The following ANO3 variants were observed in gnomAD, a reference collection of about 807,000 sequenced individuals.
ANO3 encodes the protein anoctamin-3.
Under a neutral mutation model 144.8 loss-of-function variants are expected in ANO3, and 99 were observed. That is an observed-to-expected ratio of 0.68 (90% CI 0.58 to 0.81). ANO3 has a LOEUF of 0.81. Ranked by LOEUF, ANO3 falls within the 30% of genes least tolerant of loss-of-function variation. ANO3 has a pLI of 0.00. For missense variants in ANO3, 905 were observed against 1,202.2 expected, an observed-to-expected ratio of 0.75 and a Z score of 3.66; for synonymous variants, 414 against 392.6, an observed-to-expected ratio of 1.05 and a Z score of -0.64.
intron 1 of ANO3, among the ~76,000 whole-genome samples, chr11:26,405,296 A>G (rs1857251600): frequency 2.0e-5 from 3 of 151,840 alleles, no homozygotes; most frequent in Non-Finnish European, 4.4e-5. Context: ...TGGATATCAT[A>G]GTATTTCCTA....
intron 13 of ANO3, 81 bp from the exon 14 acceptor site, chr11:26,559,638 T>C (rs1850202536): frequency 2.1e-6 from 2 of 942,476 alleles, no homozygotes; most frequent in Non-Finnish European, 3.5e-6. Context: ...GAAAAAATCA[T>C]AGTACCTGAG....
chr11:26,369,647 C>T (rs959921617), intron 1 of ANO3, among the ~76,000 whole-genome samples: 4 of 152,052 alleles, frequency 2.6e-5, no homozygotes, highest in Admixed American at 6.6e-5. Context: ...ATTTTGTTAA[C>T]AATACCAACA....
At chr11:26,267,097 CA>C (rs759201943) in intron 1 of ANO3, among the ~76,000 whole-genome samples, 172 of 114,710 alleles carry the variant, frequency 1.5e-3, no homozygotes, top group Admixed American at 2.1e-3. Flanking sequence ...GTCAAACAAA[CA>C]AAAAAAAAAA....
intron 4 of ANO3, among the ~76,000 whole-genome samples, chr11:26,471,516 G>A (rs1481285045): frequency 1.3e-5 from 2 of 151,860 alleles, no homozygotes; most frequent in Non-Finnish European, 2.9e-5. Flanking sequence ...ATTTTCAACT[G>A]AATCTATTAC....
At chr11:26,398,130 A>G (rs891222260) in intron 1 of ANO3, among the ~76,000 whole-genome samples, 2 of 152,154 alleles carry the variant, frequency 1.3e-5, no homozygotes, top group South Asian at 2.1e-4. Flanking sequence ...CTAAAAATAT[A>G]CAGGTACAAT....
chr11:26,550,406 T>A (rs1001814598), intron 12 of ANO3, among the ~76,000 whole-genome samples: 3 of 151,890 alleles, frequency 2.0e-5, no homozygotes, highest in Admixed American at 6.6e-5. Flanking sequence ...CTGAAACTTT[T>A]TATCCGTTTT....
chr11:26,441,549 A>G (rs1438692849), intron 1 of ANO3, among the ~76,000 whole-genome samples: 2 of 152,152 alleles, frequency 1.3e-5, no homozygotes, highest in African/African-American at 2.4e-5. Flanking sequence ...CAATGGTTAT[A>G]TATTAGGTTT....
upstream of ANO3, among the ~76,000 whole-genome samples, chr11:26,306,490 C>T (rs2133867055): frequency 6.6e-6 from 1 of 151,654 alleles, no homozygotes; most frequent in African/African-American, 2.4e-5. Flanking sequence ...TATAGGGAGA[C>T]CTCGTCTCTA....
chr11:26,443,430 T>A (rs2134025704), intron 2 of ANO3, among the ~76,000 whole-genome samples: 1 of 152,088 alleles, frequency 6.6e-6, no homozygotes, highest in South Asian at 2.1e-4. Context: ...GGTGAAACCC[T>A]GTCTCTACTA....
chr11:26,409,666 C>A (rs7127734), intron 1 of ANO3, among the ~76,000 whole-genome samples: 1 of 151,872 alleles, frequency 6.6e-6, no homozygotes, highest in African/African-American at 2.4e-5. Context: ...ATAGAAATTA[C>A]GATGAAAGAA....
chr11:26,494,865 T>A (rs939621365), intron 4 of ANO3, among the ~76,000 whole-genome samples: 5 of 152,184 alleles, frequency 3.3e-5, no homozygotes, highest in African/African-American at 1.2e-4. Flanking sequence ...TATGTATGTC[T>A]GTGTGGTTTT....
chr11:26,455,676 C>T (rs1287938882), intron 3 of ANO3, among the ~76,000 whole-genome samples: 1 of 151,898 alleles, frequency 6.6e-6, no homozygotes, highest in African/African-American at 2.4e-5. Flanking sequence ...CAATGCCATC[C>T]CCGTCAAGCT....
chr11:26,448,083 T>C (rs1265899787), intron 3 of ANO3, among the ~76,000 whole-genome samples: 1 of 152,128 alleles, frequency 6.6e-6, no homozygotes, highest in African/African-American at 2.4e-5. Context: ...GTGGATCACC[T>C]GAGGTCGGGA....
intron 12 of ANO3, among the ~76,000 whole-genome samples, chr11:26,550,257 A>T (rs1330849268): frequency 6.6e-6 from 1 of 151,794 alleles, no homozygotes; most frequent in Non-Finnish European, 1.5e-5. Context: ...TCAATTGATT[A>T]TTAATAAATA....
At chr11:26,442,747 T>C (rs985507501) in intron 2 of ANO3, among the ~76,000 whole-genome samples, 4 of 152,172 alleles carry the variant, frequency 2.6e-5, no homozygotes, top group African/African-American at 7.2e-5. Context: ...CTCCCTGTTG[T>C]GCAGTGGATA....
intron 14 of ANO3, among the ~76,000 whole-genome samples, chr11:26,564,386 T>A (rs1850431645): frequency 6.6e-6 from 1 of 151,312 alleles, no homozygotes; most frequent in Non-Finnish European, 1.5e-5. Flanking sequence ...ATATAATCCT[T>A]AAGTAAACCA....
In ANO3 at chr11:26,442,115, G is replaced by A; in HGVS notation, c.241+3G>A. The A allele has an allele frequency of 6.2e-7, 1 of 1,606,944 alleles. No individual in the cohort carries two copies. The highest frequency in any genetic ancestry group is 8.5e-7 in the Non-Finnish European group (1 of 1,178,040). The stretch of plus-strand genomic sequence containing the variant: ...CTCCACTGACAAAGCAGAGCAAGGT[G>A]AGCAGCAATTCCTATTTTCTTGTTC... On this transcript the variant is annotated splice_donor_region_variant and intron_variant, in intron 2 of 26. Transcript: ENST00000256737.
At chr11:26,361,431 A>G (rs1275582584) in intron 1 of ANO3, among the ~76,000 whole-genome samples, 1 of 152,238 alleles carries the variant, frequency 6.6e-6, no homozygotes, top group African/African-American at 2.4e-5. Flanking sequence ...CATTCAACAC[A>G]GAAATGTGAT....
intron 1 of ANO3, among the ~76,000 whole-genome samples, chr11:26,255,474 C>T (rs570098776): frequency 3.2e-3 from 484 of 152,194 alleles, no homozygotes; most frequent in Non-Finnish European, 4.1e-3. Context: ...TATTGCTTTA[C>T]GTGAGAAATC....
Sources: gnomAD v4.1 joint callset for allele counts (sites outside exome capture counted in the v4.1 genomes callset) on GRCh38, gnomAD v4.1.1 for gene constraint, MANE v1.5 for transcripts, NCBI Gene and HGNC (gene_info 2026-07-23, HGNC 2026-07-21) for gene names.